The following PDE4C variants were observed in gnomAD, a reference collection of about 807,000 sequenced individuals.
PDE4C encodes the protein phosphodiesterase 4C.
Under a neutral mutation model 63.9 loss-of-function variants are expected in PDE4C, and 50 were observed. The observed-to-expected ratio is 0.78, with a 90% CI of 0.62 to 0.99. The LOEUF is 0.99. Ranked by LOEUF, PDE4C falls within the 50% of genes least tolerant of loss-of-function variation. The pLI, the probability that PDE4C is intolerant of heterozygous loss-of-function variation, is 0.00. For synonymous variants in PDE4C, 377 were observed against 385.1 expected, an observed-to-expected ratio of 0.98 and a Z score of 0.25; for missense variants, 777 against 899.1, an observed-to-expected ratio of 0.86 and a Z score of 1.74.
intron 1 of PDE4C, among the ~76,000 whole-genome samples, chr19:18,223,639 C>T (rs1238810006): frequency 2.0e-5 from 3 of 152,234 alleles, no homozygotes; most frequent in Non-Finnish European, 2.9e-5. Flanking sequence ...CCACCGCACC[C>T]GGCCTCTCCT....
the PDE4C span, among the ~76,000 whole-genome samples, chr19:18,254,318 G>A: frequency 6.6e-6 from 1 of 152,234 alleles, no homozygotes; most frequent in East Asian, 1.9e-4. Context: ...AGTGAACTGA[G>A]GAAAAGCTGT....
At chr19:18,211,884 G>C in exon 14 of PDE4C, 11 of 1,614,240 alleles carry the variant, frequency 6.8e-6, no homozygotes, top group Non-Finnish European at 8.5e-6. Flanking sequence ...TGGCGGTACA[G>C]GGGCAGCGGC....
rs189434423 is a variant in PDE4C, at chr19:18,213,619, G to A, written c.1390-129C>T. ...CCTCAGCATACTCATCTGTGAAATG[G>A]AAGGATGCAACTGCATTCACTGCAA... On this transcript the variant is annotated intron_variant, in intron 12 of 14. Coordinates refer to ENST00000262805, the Ensembl canonical transcript of PDE4C. 138 of 1,066,108 alleles carry A rather than the reference G, an allele frequency of 1.3e-4. No individual in the cohort carries two copies. In the East Asian group the frequency reaches 3.6e-3, roughly 28 times the overall value. 66.0% of individuals were successfully genotyped at this position (1,066,108 alleles called of 1,614,324 possible).
chr19:18,251,821 C>T (rs1969233777), upstream of PDE4C, among the ~76,000 whole-genome samples: 1 of 151,864 alleles, frequency 6.6e-6, no homozygotes, highest in African/African-American at 2.4e-5. Context: ...AATGTATAAC[C>T]TGTCTCCCCA....
chr19:18,218,387 C>G, exon 10 of PDE4C: 1 of 1,614,260 alleles, frequency 6.2e-7, no homozygotes, highest in Non-Finnish European at 8.5e-7. Context: ...ACGTCGGCGG[C>G]ATGTAGGCTG....
intron 1 of PDE4C, chr19:18,225,912 A>C: frequency 4.9e-6 from 1 of 205,496 alleles, no homozygotes; most frequent in Non-Finnish European, 9.9e-6. Context: ...CACTGCCAGG[A>C]CGCACAGCCT....
rs754539547 is a variant in PDE4C at position 18,220,819 on chromosome 19, G to C, written c.499+55C>G. 1.3e-6 allele frequency: 2 copies of C among 1,547,764 alleles called. No individual in the cohort carries two copies. Among genetic ancestry groups the C allele is most frequent in the South Asian group, 1.2e-5 (1 of 86,068 alleles). On this transcript the variant is annotated intron_variant, in intron 5 of 14. Coordinates refer to ENST00000262805, the Ensembl canonical transcript of PDE4C. The surrounding 1 kb of genome is among the most constrained non-coding windows in gnomAD (Gnocchi z 5.1). ...GCTCATGGACTGGGGAGGTCACTATGGAAAGGAAGCTCCCAGCTGTCCTCA... is the reference window on the plus strand; with the variant it reads ...GCTCATGGACTGGGGAGGTCACTATCGAAAGGAAGCTCCCAGCTGTCCTCA...
At chr19:18,222,647 T>G (rs1488667377) in intron 1 of PDE4C, among the ~76,000 whole-genome samples, 2 of 131,332 alleles carry the variant, frequency 1.5e-5, no homozygotes, top group African/African-American at 2.8e-5. Context: ...TTTTTTTTCT[T>G]TCTCGTTCTT....
At chr19:18,224,744 G>A (rs1968651501) in intron 1 of PDE4C, among the ~76,000 whole-genome samples, 1 of 152,230 alleles carries the variant, frequency 6.6e-6, no homozygotes, top group Non-Finnish European at 1.5e-5. Flanking sequence ...CGACTCCAGC[G>A]GGTTTAGCAG....
chr19:18,221,416 A>G, intron 2 of PDE4C, 119 bp from the exon 3 acceptor site: 1 of 1,040,272 alleles, frequency 9.6e-7, no homozygotes, highest in Non-Finnish European at 1.4e-6. Context: ...GCTCCTTCTT[A>G]GTCCCTGGGG....
chr19:18,226,548 C>T (rs1968736056), upstream of PDE4C: 2 of 552,032 alleles, frequency 3.6e-6, no homozygotes, highest in South Asian at 9.9e-5. Context: ...GGCTCCCTGA[C>T]GACCCCCGGG....
intron 7 of PDE4C, 177 bp from the exon 8 acceptor site, chr19:18,219,574 A>C (rs976499663): frequency 1.5e-5 from 10 of 670,440 alleles, no homozygotes; most frequent in African/African-American, 9.1e-5. Context: ...CTGTAATCCC[A>C]GTGCTTTGGG....
chr19:18,220,487 C>A lies in PDE4C; in HGVS notation c.528G>T (p.Glu176Asp). The change falls in exon 6 of 15, where the codon GAG becomes GAT. Residue 176 changes from glutamate (E) to aspartate (D), a missense_variant. By Grantham distance (45) the Glu-to-Asp change is conservative. Coordinates refer to ENST00000262805, the Ensembl canonical transcript of PDE4C. The surrounding 1 kb of genome is among the most constrained non-coding windows in gnomAD (Gnocchi z 5.1). Reference sequence around the variant, plus strand: ...GGCACCAGTCCAGCTCGTCTAGCGTCTCCAATGCCAGCTTCTGCCCCGTGT... The same window carrying A: ...GGCACCAGTCCAGCTCGTCTAGCGTATCCAATGCCAGCTTCTGCCCCGTGT... 6.2e-7 allele frequency: 1 copy of A among 1,614,204 alleles called. No homozygotes were observed. Among genetic ancestry groups the A allele is most frequent in the Non-Finnish European group, 8.5e-7 (1 of 1,180,038 alleles).
At chr19:18,245,634 T>G (rs1969115829) in intron 1 of PDE4C, among the ~76,000 whole-genome samples, 1 of 152,196 alleles carries the variant, frequency 6.6e-6, no homozygotes, top group Non-Finnish European at 1.5e-5. Flanking sequence ...AGCAGTCTCA[T>G]GAGCACTCAC....
intron 12 of PDE4C, among the ~76,000 whole-genome samples, chr19:18,215,850 GAC>G (rs1337112444): frequency 7.7e-6 from 1 of 130,532 alleles, no homozygotes; most frequent in Non-Finnish European, 1.6e-5. Context: ...TTTTTTTTGA[GAC>G]AGAGTCTCAC....
upstream of PDE4C, among the ~76,000 whole-genome samples, chr19:18,237,493 G>C (rs913425982): frequency 4.9e-4 from 75 of 152,188 alleles, no homozygotes; most frequent in African/African-American, 1.8e-3. Flanking sequence ...GGAGGTTGCA[G>C]TGAGCCGAGA....
upstream of PDE4C, chr19:18,249,965 C>T: frequency 2.5e-6 from 1 of 396,150 alleles, no homozygotes; most frequent in Non-Finnish European, 4.4e-6. Context: ...CAGCACAGAG[C>T]CCAGCACATA....
rs1235638914 is a variant in PDE4C, at chr19:18,246,045, CTG to C, written c.-210+2124_-210+2125del. 2.8e-5 allele frequency among the ~76,000 whole-genome samples: 4 copies of C among 141,186 alleles called. No individual in the cohort carries two copies. In the East Asian group the frequency reaches 9.6e-4, roughly 34 times the overall value. 92.6% of individuals were successfully genotyped at this position (141,186 alleles called of 152,430 possible). ...TTTTTTTTTGAGACAGAGTCTTACT[CTG>C]TCATCCAGGCTGGAGTGCAGTGCAG... On this transcript the variant is annotated intron_variant, in intron 1 of 15. Coordinates refer to the PDE4C transcript ENST00000594617.
chr19:18,241,523 T>C (rs932899920), intron 1 of PDE4C, among the ~76,000 whole-genome samples: 3 of 151,994 alleles, frequency 2.0e-5, no homozygotes. Context: ...CGCCTCGGCC[T>C]CCCAAAGTGC....
Sources: gnomAD v4.1 joint callset for allele counts (sites outside exome capture counted in the v4.1 genomes callset) on GRCh38, gnomAD v4.1.1 for gene constraint, Gnocchi (gnomAD v3.1) non-coding constraint, MANE v1.5 for transcripts, NCBI Gene and HGNC (gene_info 2026-07-23, HGNC 2026-07-21) for gene names.